OR51B5: variants seen among roughly 807,000 people sequenced by gnomAD.
The protein encoded by OR51B5 is olfactory receptor family 51 subfamily B member 5.
For synonymous variants in OR51B5, 186 were observed against 144.8 expected (o/e 1.28, Z -2.04); for missense variants, 456 against 374.6 (o/e 1.22, Z -1.79).
intron 1 of OR51B5, among the ~76,000 whole-genome samples, chr11:5,438,337 T>A (rs372192925): frequency 4.6e-5 from 5 of 108,764 alleles, no homozygotes; most frequent in African/African-American, 1.8e-4. Flanking sequence ...AGACAAATTC[T>A]CCAAACTTCA....
intron 1 of OR51B5, among the ~76,000 whole-genome samples, chr11:5,394,959 A>G (rs1356908599): frequency 6.6e-6 from 1 of 152,206 alleles, no homozygotes; most frequent in Non-Finnish European, 1.5e-5. Context: ...GTCTGGGAAA[A>G]GAAAAGAAAG....
At chr11:5,411,844 GTA>G (rs769060565) in intron 1 of OR51B5, among the ~76,000 whole-genome samples, 4 of 152,188 alleles carry the variant, frequency 2.6e-5, no homozygotes, top group Non-Finnish European at 5.9e-5. Context: ...TGCTGGCTTT[GTA>G]GAGAGAGAAA....
chr11:5,360,838 G>A (rs930680498), intron 1 of OR51B5, among the ~76,000 whole-genome samples: 4 of 150,820 alleles, frequency 2.7e-5, no homozygotes, highest in African/African-American at 9.8e-5. Context: ...CATGTCCTTT[G>A]TAGGGACATG....
chr11:5,386,888 T>TA (rs1021006177), intron 1 of OR51B5, among the ~76,000 whole-genome samples: 3 of 151,944 alleles, frequency 2.0e-5, no homozygotes, highest in African/African-American at 2.4e-5. Context: ...AATAATATTA[T>TA]AAAAAATGCA....
chr11:5,497,544 C>G (rs764242317), intron 1 of OR51B5, among the ~76,000 whole-genome samples: 1 of 152,156 alleles, frequency 6.6e-6, no homozygotes, highest in Non-Finnish European at 1.5e-5. Context: ...ACACTTGGGA[C>G]TACCAGGATC....
intron 1 of OR51B5, among the ~76,000 whole-genome samples, chr11:5,483,750 G>T (rs993376753): frequency 6.6e-6 from 1 of 151,986 alleles, no homozygotes; most frequent in Non-Finnish European, 1.5e-5. Flanking sequence ...CAAATCCTTA[G>T]GGGATGCCAC....
At chr11:5,351,294 A>G (rs1162641419) in intron 1 of OR51B5, among the ~76,000 whole-genome samples, 4 of 152,218 alleles carry the variant, frequency 2.6e-5, no homozygotes, top group African/African-American at 9.6e-5. Context: ...ATAATCTTAC[A>G]TAGAGTAAAC....
intron 1 of OR51B5, among the ~76,000 whole-genome samples, chr11:5,446,078 G>A (rs1180236044): frequency 6.6e-6 from 1 of 151,996 alleles, no homozygotes; most frequent in Non-Finnish European, 1.5e-5. Flanking sequence ...ACACAAGAAG[G>A]GGAACATCAG....
At chr11:5,366,058 TG>T (rs1315405541) in intron 1 of OR51B5, among the ~76,000 whole-genome samples, 1 of 133,434 alleles carries the variant, frequency 7.5e-6, no homozygotes, top group African/African-American at 2.9e-5. Context: ...TCAGCATGTT[TG>T]GGGGCTGTTA....
At chr11:5,402,113 G>A (rs996724405) in intron 1 of OR51B5, among the ~76,000 whole-genome samples, 2 of 152,096 alleles carry the variant, frequency 1.3e-5, no homozygotes, top group Admixed American at 1.3e-4. Flanking sequence ...CTGGGCCCAA[G>A]TGATCTTCCC....
At chr11:5,500,455 A>T (rs1336393119) in intron 1 of OR51B5, among the ~76,000 whole-genome samples, 3 of 121,524 alleles carry the variant, frequency 2.5e-5, no homozygotes, top group African/African-American at 5.1e-5. Context: ...AAATGGAGTC[A>T]TTCATGTCAA....
chr11:5,342,987 G>A lies in OR51B5; in HGVS notation c.538C>T (p.Gln180Ter), dbSNP rs1285870851. The A allele has an allele frequency of 9.3e-6, 15 of 1,613,310 alleles. No individual in the cohort carries two copies. Among genetic ancestry groups the A allele is most frequent in the Admixed American group, 1.7e-5 (1 of 59,988 alleles). The change falls in exon 1 of 1, where the codon CAG (glutamine) becomes TAG (stop). Residue 180 changes from glutamine (Q) to a stop codon, truncating the protein, a stop_gained. Coordinates refer to ENST00000300773, the Ensembl canonical transcript of OR51B5. LOFTEE classifies it low-confidence loss of function (END_TRUNC). ...GCACAGGCGAGTTTAATGACATCCTGGTGAAGGCAGAATGCATGTGAAAGA... is the reference window on the plus strand; with the variant it reads ...GCACAGGCGAGTTTAATGACATCCTAGTGAAGGCAGAATGCATGTGAAAGA...
chr11:5,418,749 G>A (rs577694176), intron 1 of OR51B5, among the ~76,000 whole-genome samples: 150 of 151,862 alleles, frequency 9.9e-4, no homozygotes, highest in Middle Eastern at 6.8e-3. Flanking sequence ...GTTAGGGGAG[G>A]GATAGCATTA....
intron 1 of OR51B5, among the ~76,000 whole-genome samples, chr11:5,467,060 G>A (rs934144197): frequency 1.3e-4 from 20 of 152,138 alleles, no homozygotes; most frequent in African/African-American, 4.3e-4. Context: ...ACATTTTTGA[G>A]ATTTTCAAAT....
At chr11:5,368,997 G>A (rs1849413395) in intron 1 of OR51B5, among the ~76,000 whole-genome samples, 1 of 152,122 alleles carries the variant, frequency 6.6e-6, no homozygotes. Flanking sequence ...CCAACTAGAT[G>A]TGGACAAGAT....
chr11:5,457,261 C>T (rs1850974158), intron 1 of OR51B5, among the ~76,000 whole-genome samples: 1 of 152,190 alleles, frequency 6.6e-6, no homozygotes. Context: ...CATTAATTCA[C>T]CTAGGATAAT....
At chr11:5,414,649 C>T (rs372561143) in intron 1 of OR51B5, among the ~76,000 whole-genome samples, 9,970 of 152,060 alleles carry the variant, frequency 0.066, 377 homozygotes, top group South Asian at 0.09. Flanking sequence ...TCTGATAAAA[C>T]AGACTTTAAA....
At chr11:5,359,875 C>CA (rs1324211813) in intron 1 of OR51B5, among the ~76,000 whole-genome samples, 160 of 151,504 alleles carry the variant, frequency 1.1e-3, no homozygotes, top group African/African-American at 2.3e-3. Context: ...ACAAACCTGA[C>CA]AAAAAAAACA....
At chr11:5,471,150 T>G (rs1851222124) in intron 1 of OR51B5, among the ~76,000 whole-genome samples, 1 of 152,226 alleles carries the variant, frequency 6.6e-6, no homozygotes, top group African/African-American at 2.4e-5. Flanking sequence ...TTATCACAGC[T>G]TAAATTTTAG....
Sources: gnomAD v4.1 joint callset for allele counts (sites outside exome capture counted in the v4.1 genomes callset) on GRCh38, gnomAD v4.1.1 for gene constraint, MANE v1.5 for transcripts, NCBI Gene and HGNC (gene_info 2026-07-23, HGNC 2026-07-21) for gene names.